NEB: variants seen among roughly 807,000 people sequenced by gnomAD.
NEB encodes nemaline myopathy type 2.
NEB carries 512 observed loss-of-function variants against 952.2 expected under a neutral mutation model. That is an observed-to-expected ratio of 0.54 (90% CI 0.50 to 0.58). NEB has a LOEUF of 0.58. Ranked by LOEUF, NEB falls within the 20% of genes least tolerant of loss-of-function variation. NEB has a pLI of 0.00. For synonymous variants in NEB, 2,900 were observed against 3,149.8 expected, an observed-to-expected ratio of 0.92 and a Z score of 2.66; for missense variants, 8,428 against 9,231.1, an observed-to-expected ratio of 0.91 and a Z score of 3.56.
At position 151,554,996 on chromosome 2, in the gene NEB, G is replaced by A. The variant is rs377112785; in HGVS notation, c.19363C>T (p.Pro6455Ser). 10 of 1,613,664 alleles carry A rather than the reference G, an allele frequency of 6.2e-6. No homozygotes were observed. Among genetic ancestry groups the A allele is most frequent in the Middle Eastern group, 1.6e-4 (1 of 6,082 alleles). ...TTCGGATCATCGTCAACACTTCTTG[G>A]TAACGTATAAAGAGCTTTGAACTTT... is the stretch of plus-strand genomic sequence containing the variant. ...YEKFKALYTL[P>S]RSVDDDPNTA... The change falls in exon 125 of 182, where the codon CCA (proline) becomes TCA (serine). Residue 6455 changes from proline (P) to serine (S), a missense_variant. This residue lies in a region of NEB where 3,374 missense variants were observed against 3,651.5 expected (regional missense o/e 0.92). Coordinates refer to ENST00000397345, the MANE Select transcript of NEB (RefSeq NM_001164508.2).
rs1487527032 is a variant in NEB at position 151,567,214 on chromosome 2, T to C, written c.18110A>G (p.Gln6037Arg). Reference sequence around the variant, plus strand: ...CTTTCTTGCCTGAATAACATCGTTCTGGTCAGGATGACACATCCATTGGTG... The same window carrying C: ...CTTTCTTGCCTGAATAACATCGTTCCGGTCAGGATGACACATCCATTGGTG... ...YLHQWMCHPDQNDVIQARKAY... is the reference protein window; with the variant it reads ...YLHQWMCHPDRNDVIQARKAY... The change falls in exon 114 of 182, where the codon CAG becomes CGG. Residue 6037 changes from glutamine (Q) to arginine (R), a missense_variant. By Grantham distance (43) the Gln-to-Arg change is conservative. Around this residue, in one of 11 missense-constraint regions of NEB, gnomAD observed 3,374 missense variants for 3,651.5 expected, o/e 0.92. Coordinates refer to ENST00000397345, the MANE Select transcript of NEB (RefSeq NM_001164508.2). The C allele has an allele frequency of 3.4e-5, 55 of 1,613,194 alleles. No individual in the cohort carries two copies. The highest frequency in any genetic ancestry group is 4.7e-5 in the Non-Finnish European group (55 of 1,179,402).
intron 85 of NEB, 31 bp from the exon 86 acceptor site, chr2:151,603,803 AAG>A (rs1395507302): frequency 2.6e-6 from 4 of 1,547,910 alleles, no homozygotes; most frequent in Non-Finnish European, 3.5e-6. Context: ...CAGAGTGGGG[AAG>A]AGTCAAAGTT....
chr2:151,643,441 A>G (rs755976297), intron 57 of NEB, 88 bp from the exon 58 acceptor site: 3 of 1,117,000 alleles, frequency 2.7e-6, no homozygotes, highest in Non-Finnish European at 3.8e-6. Context: ...TTGCCCCTAA[A>G]TAAAAGTTCA....
chr2:151,629,696 T>C, intron 67 of NEB, 50 bp from the exon 68 acceptor site: 2 of 1,461,780 alleles, frequency 1.4e-6, no homozygotes, highest in Non-Finnish European at 1.9e-6. Context: ...ACATCAACAA[T>C]TCAGAGATTA....
In NEB at chr2:151,610,837, G is replaced by A. The variant is rs2153976072; in HGVS notation, c.11835C>T (p.Asp3945=). 6.2e-7 allele frequency: 1 copy of A among 1,601,118 alleles called. No homozygotes were observed. Among genetic ancestry groups the A allele is most frequent in the Non-Finnish European group, 8.5e-7 (1 of 1,173,218 alleles). ...CTGGCATCACGTGGATGGAGGTTTT[G>A]TCAGCATCCCAAGCTTCTGTGTATA... ...KHLYTEAWDA[D]KTSIHVMPDT... is the part of the protein sequence containing the mutation. Residue 3945 remains aspartate, a synonymous_variant, in exon 79 of 182, where the codon GAC becomes GAT. Coordinates refer to ENST00000397345, the MANE Select transcript of NEB (RefSeq NM_001164508.2).
At chr2:151,675,740 T>C (rs2099354375) in intron 34 of NEB, among the ~76,000 whole-genome samples, 1 of 151,794 alleles carries the variant, frequency 6.6e-6, no homozygotes, top group Admixed American at 6.5e-5. Flanking sequence ...TTTTTGTTAG[T>C]TTCTATTTTT....
At position 151,548,326 on chromosome 2, in the gene NEB, G is replaced by A. The variant is rs1469714471; in HGVS notation, c.20139C>T (p.Val6713=). ...CAGGTACCTCGCTGGTAACATTGTTGACTCTCCGGACGTGGACAAATGGAA... is the reference window on the plus strand; with the variant it reads ...CAGGTACCTCGCTGGTAACATTGTTAACTCTCCGGACGTGGACAAATGGAA... ...KDVPFVHVRR[V]NNVTSERLYR... The change falls in exon 131 of 182, where the codon GTC becomes GTT. Residue 6713 remains valine (V), a synonymous_variant. Coordinates refer to ENST00000397345, the MANE Select transcript of NEB (RefSeq NM_001164508.2). 1.9e-6 allele frequency: 3 copies of A among 1,612,858 alleles called. No homozygotes were observed. The South Asian group carries it at 3.3e-5, about 18-fold the overall frequency.
At chr2:151,546,652 G>A (rs1481557913) in intron 133 of NEB, among the ~76,000 whole-genome samples, 1 of 148,306 alleles carries the variant, frequency 6.7e-6, no homozygotes, top group African/African-American at 2.5e-5. Flanking sequence ...TCCGCCTCCC[G>A]AGTTCAAGCG....
In NEB at chr2:151,642,749, T is replaced by C. The variant is rs1172647444; in HGVS notation, c.8265+16A>G. The C allele has an allele frequency of 6.2e-7, 1 of 1,604,174 alleles. No individual in the cohort carries two copies. On this transcript the variant is annotated intron_variant, in intron 59 of 181. Transcript: ENST00000397345. ...TGTAAGGAAAATGTATCACGCACTA[T>C]GAATATATTACTTACCTCACTGTAA...
In NEB at chr2:151,612,225, T is replaced by A. The variant is rs368162982; in HGVS notation, c.11766A>T (p.Glu3922Asp). 5.0e-6 allele frequency: 8 copies of A among 1,613,744 alleles called. No individual in the cohort carries two copies. The African/African-American group carries it at 1.1e-4, about 22-fold the overall frequency. The stretch of plus-strand genomic sequence containing the variant: ...GGGCATTATTCTTTGCTAGGACAAT[T>A]TCCGGAGTGTCGGTAATGCATGTGA... ...LKFTCITDTP[E>D]IVLAKNNALT... Residue 3922 changes from glutamate (E) to aspartate (D), a missense_variant, in exon 78 of 182, where the codon GAA becomes GAT. Coordinates refer to ENST00000397345, the MANE Select transcript of NEB (RefSeq NM_001164508.2).
chr2:151,639,209 TATC>T (rs2098816131), intron 63 of NEB, 68 bp downstream of exon 63: 1 of 1,174,388 alleles, frequency 8.5e-7, no homozygotes, highest in African/African-American at 1.5e-5. Flanking sequence ...TGTCATTTGG[TATC>T]ATGTCATCAT....
chr2:151,526,365 A>T lies in NEB; in HGVS notation c.21946-103T>A, dbSNP rs975149669. The T allele has an allele frequency of 2.3e-5, 19 of 816,186 alleles. No homozygotes were observed. The African/African-American group carries it at 2.7e-4, about 12-fold the overall frequency. 50.6% of individuals were successfully genotyped at this position (816,186 alleles called of 1,614,324 possible). ...AGAACAGCAGCGTTGACAATACTAA[A>T]CTCAATAAAAGATGTGATACTTGCA... On this transcript the variant is annotated intron_variant, in intron 148 of 181. Transcript: ENST00000397345.
chr2:151,547,623 A>C lies in NEB; in HGVS notation c.20262+11T>G. On this transcript the variant is annotated intron_variant, in intron 132 of 181. Coordinates refer to ENST00000397345, the MANE Select transcript of NEB (RefSeq NM_001164508.2). ...GTCTCTACTCCCTGTCTTTCCTAAG[A>C]AAATACCCACCTCACTGACAGCCTC... 6.2e-7 allele frequency: 1 copy of C among 1,612,964 alleles called. No individual in the cohort carries two copies. Among genetic ancestry groups the C allele is most frequent in the South Asian group, 1.1e-5 (1 of 91,018 alleles).
At chr2:151,717,679 C>T in intron 9 of NEB, among the ~76,000 whole-genome samples, 159 bp from the exon 10 acceptor site, 1 of 152,194 alleles carries the variant, frequency 6.6e-6, no homozygotes. Context: ...GAATTTTCTT[C>T]CCTCCTCCTC....
chr2:151,560,924 G>C, intron 123 of NEB, 80 bp downstream of exon 123: 1 of 870,720 alleles, frequency 1.1e-6, no homozygotes, highest in Non-Finnish European at 1.8e-6. Flanking sequence ...GGGAAAGAGT[G>C]TCCATCCCAT....
chr2:151,664,967 G>C (rs1362162817), intron 42 of NEB, 104 bp from the exon 43 acceptor site: 1 of 809,182 alleles, frequency 1.2e-6, no homozygotes, highest in Admixed American at 2.9e-5. Flanking sequence ...AGGTTAAATG[G>C]ATATTAGAAA....
At chr2:151,649,391 T>C (rs184306056) in intron 54 of NEB, among the ~76,000 whole-genome samples, 225 of 152,260 alleles carry the variant, frequency 1.5e-3, no homozygotes, top group African/African-American at 5.3e-3. Context: ...GTAAAGTGTA[T>C]AGCATATTAC....
At chr2:151,677,142 T>A (rs2099367273) in intron 34 of NEB, among the ~76,000 whole-genome samples, 1 of 152,190 alleles carries the variant, frequency 6.6e-6, no homozygotes. Context: ...ATGTATTACT[T>A]CTCTGTATTA....
chr2:151,497,980 T>TAAAC (rs1238875484), intron 170 of NEB: 23 of 1,436,322 alleles, frequency 1.6e-5, no homozygotes, highest in East Asian at 1.5e-4. Flanking sequence ...CGGTGCCTCC[T>TAAAC]AAACAATCAC....
Sources: gnomAD v4.1 joint callset for allele counts (sites outside exome capture counted in the v4.1 genomes callset) on GRCh38, gnomAD v4.1.1 for gene constraint, gnomAD v4.1.1 regional missense constraint, MANE v1.5 for transcripts, NCBI Gene and HGNC (gene_info 2026-07-23, HGNC 2026-07-21) for gene names.